Variants in ADRA1A observed in about 807,000 individuals in gnomAD.
ADRA1A encodes alpha-1A adrenergic receptor.
A neutral mutation model predicts 29.6 loss-of-function variants in ADRA1A; 31 were observed. The observed-to-expected ratio is 1.05, with a 90% confidence interval of 0.79 to 1.41. ADRA1A has a LOEUF of 1.41. Ranked by LOEUF, ADRA1A falls within the 40% of genes most tolerant of loss-of-function variation. ADRA1A has a pLI of 0.00. For missense variants in ADRA1A, 619 were observed against 601.1 expected (o/e 1.03, Z -0.31); for synonymous variants, 311 against 254.3 (o/e 1.22, Z -2.12).
rs1811001911 is a variant in ADRA1A, at chr8:26,831,935, C to T, written c.883+32152G>A. 6.6e-6 allele frequency among the ~76,000 whole-genome samples: 1 copy of T among 152,178 alleles called. No homozygotes were observed. The highest frequency in any genetic ancestry group is 2.4e-5 in the African/African-American group (1 of 41,456). On this transcript the variant is annotated intron_variant, in intron 2 of 2. Coordinates refer to ENST00000380573, the MANE Select transcript of ADRA1A (RefSeq NM_000680.4). This position sits in a 1 kb window ranked among gnomAD's most constrained non-coding sequence, Gnocchi z 5.2. The stretch of plus-strand genomic sequence containing the variant: ...CTCCCTAAGAGACACCTGGGCCTGG[C>T]CGTGTGGTTTGTAGGCTGGAGTGGG...
downstream of ADRA1A, among the ~76,000 whole-genome samples, chr8:26,754,414 C>T (rs566564474): frequency 2.6e-5 from 4 of 151,904 alleles, no homozygotes; most frequent in Non-Finnish European, 5.9e-5. Context: ...CTTAGTCGAC[C>T]AAATACCAAA....
Position 26,823,598 on chromosome 8 carries a change from G to C in ADRA1A, c.883+40489C>G, listed in dbSNP as rs959218063. 1.3e-5 allele frequency among the ~76,000 whole-genome samples: 2 copies of C among 152,112 alleles called. No individual in the cohort carries two copies. The highest frequency in any genetic ancestry group is 3.9e-4 in the East Asian group (2 of 5,188). On this transcript the variant is annotated intron_variant, in intron 2 of 2. Coordinates refer to ENST00000380573, the MANE Select transcript of ADRA1A (RefSeq NM_000680.4). This position sits in a 1 kb window ranked among gnomAD's most constrained non-coding sequence, Gnocchi z 4.2. ...GCTGGGCTAAGGATCAGGCTGCTTG[G>C]GCTATCAACATATTTGTGTCACCAC...
Position 26,864,388 on chromosome 8 carries a change from G to C in ADRA1A, c.582C>G (p.Tyr194Ter). 2 of 1,613,824 alleles carry C rather than the reference G, an allele frequency of 1.2e-6. No individual in the cohort carries two copies. Among genetic ancestry groups the C allele is most frequent in the Non-Finnish European group, 1.7e-6 (2 of 1,180,022 alleles). The change falls in exon 2 of 3, where the codon TAC (tyrosine) becomes TAG (stop). Residue 194 changes from tyrosine (Y) to a stop codon, truncating the protein, a stop_gained. Coordinates refer to ENST00000380573, the MANE Select transcript of ADRA1A (RefSeq NM_000680.4). LOFTEE classifies it high-confidence loss of function. This position sits in a 1 kb window ranked among gnomAD's most constrained non-coding sequence, Gnocchi z 8.1. ...TGACCAGGATGATGGCCAGAGGCAG[G>C]TAGAAGGAGCCCAGCGCTGAGAAGA... ...YVLFSALGSF[Y>*]LPLAIILVMY...
chr8:26,750,403 T>C lies in ADRA1A; in HGVS notation c.1270-1655A>G, dbSNP rs573643143. Among the ~76,000 whole-genome samples, 779 of 152,252 alleles carry C rather than the reference T, an allele frequency of 5.1e-3. 2 individuals are homozygous for C. The highest frequency in any genetic ancestry group is 0.021 in the South Asian group (101 of 4,816). The stretch of plus-strand genomic sequence containing the variant: ...TTTTAGTAGAGACAGGGTTTCACCA[T>C]GTTGCCCAGGCTGGTCTCGAACTCC... On this transcript the variant is annotated intron_variant, in intron 2 of 2. Coordinates refer to the ADRA1A transcript ENST00000380586.
intron 2 of ADRA1A, among the ~76,000 whole-genome samples, chr8:26,857,069 A>T (rs1813102672): frequency 6.6e-6 from 1 of 152,166 alleles, no homozygotes; most frequent in Admixed American, 6.5e-5. Context: ...TGGTCTCCTG[A>T]CTTGCTGTGA....
In ADRA1A at chr8:26,805,270, T is replaced by C. The variant is rs1464456700; in HGVS notation, c.884-34604A>G. Among the ~76,000 whole-genome samples the C allele has an allele frequency of 1.8e-4, 27 of 152,220 alleles. No homozygotes were observed. ...TCAATTTACACCTATTGCCTCAGTATGGTTATTAATTGTGCTTTCTTACAT... is the reference window on the plus strand; with the variant it reads ...TCAATTTACACCTATTGCCTCAGTACGGTTATTAATTGTGCTTTCTTACAT... On this transcript the variant is annotated intron_variant, in intron 2 of 2. Coordinates refer to ENST00000380573, the MANE Select transcript of ADRA1A (RefSeq NM_000680.4). The surrounding 1 kb of genome is among the most constrained non-coding windows in gnomAD (Gnocchi z 4.8).
chr8:26,767,845 T>C (rs1319191483), downstream of ADRA1A, among the ~76,000 whole-genome samples: 1 of 152,194 alleles, frequency 6.6e-6, no homozygotes, highest in Non-Finnish European at 1.5e-5. Flanking sequence ...TGGACCAAGC[T>C]CTTGTCAACA....
chr8:26,865,304 T>G lies in ADRA1A; in HGVS notation c.-335A>C. ...TGGGTGCGAAGATCCAGGAGACTCCTTGCAACATGCAATTCCAGAATTACG... is the reference window on the plus strand; with the variant it reads ...TGGGTGCGAAGATCCAGGAGACTCCGTGCAACATGCAATTCCAGAATTACG... On this transcript the variant is annotated 5_prime_UTR_variant, in exon 2 of 3. Transcript: ENST00000380573. The surrounding 1 kb of genome is among the most constrained non-coding windows in gnomAD (Gnocchi z 7.6). 1 of 1,156,604 alleles carries G rather than the reference T, an allele frequency of 8.6e-7. No individual in the cohort carries two copies. The highest frequency in any genetic ancestry group is 1.1e-6 in the Non-Finnish European group (1 of 937,890). 71.6% of individuals were successfully genotyped at this position (1,156,604 alleles called of 1,614,324 possible).
At chr8:26,807,579 C>T (rs1809087653) in intron 2 of ADRA1A, among the ~76,000 whole-genome samples, 1 of 151,152 alleles carries the variant, frequency 6.6e-6, no homozygotes, top group East Asian at 1.9e-4. Flanking sequence ...AGGACCATAG[C>T]ATGTTCAGGT....
rs939770538 is a variant in ADRA1A at position 26,848,575 on chromosome 8, T to G, written c.883+15512A>C. The stretch of plus-strand genomic sequence containing the variant: ...ATCTCAGACTTCCAGCCTCCAGAGC[T>G]CTGAGAAATCAATGTCAGCTGCCTA... On this transcript the variant is annotated intron_variant, in intron 2 of 2. Coordinates refer to ENST00000380573, the MANE Select transcript of ADRA1A (RefSeq NM_000680.4). The surrounding 1 kb of genome is among the most constrained non-coding windows in gnomAD (Gnocchi z 4.3). 1.3e-5 allele frequency among the ~76,000 whole-genome samples: 2 copies of G among 152,114 alleles called. No homozygotes were observed. Among genetic ancestry groups the G allele is most frequent in the African/African-American group, 4.8e-5 (2 of 41,424 alleles).
chr8:26,783,656 T>C (rs1467060435), intron 2 of ADRA1A, among the ~76,000 whole-genome samples: 2 of 152,214 alleles, frequency 1.3e-5, no homozygotes, highest in Non-Finnish European at 2.9e-5. Flanking sequence ...AAATACCATT[T>C]GACATAGCAA....
intron 2 of ADRA1A, among the ~76,000 whole-genome samples, chr8:26,851,144 G>A (rs34949698): frequency 0.036 from 5,543 of 152,232 alleles, 161 homozygotes; most frequent in Non-Finnish European, 0.055. Context: ...AAAATTTAAT[G>A]AAAATAATCT....
chr8:26,793,867 G>A (rs1808000324), intron 2 of ADRA1A, among the ~76,000 whole-genome samples: 1 of 151,932 alleles, frequency 6.6e-6, no homozygotes, highest in East Asian at 1.9e-4. Flanking sequence ...TATTTTCAGA[G>A]TCTTTAAGTA....
At chr8:26,767,613 G>A (rs1041053567), downstream of ADRA1A, among the ~76,000 whole-genome samples, 1 of 152,258 alleles carries the variant, frequency 6.6e-6, no homozygotes, top group East Asian at 1.9e-4. Flanking sequence ...TTGACTGAAA[G>A]ATTCTCTAGT....
chr8:26,794,652 A>T (rs1428571210), intron 2 of ADRA1A, among the ~76,000 whole-genome samples: 2 of 152,140 alleles, frequency 1.3e-5, no homozygotes, highest in African/African-American at 4.8e-5. Flanking sequence ...AAAATTATTT[A>T]AAAATGAAAA....
At chr8:26,852,249 C>A (rs150099982) in intron 2 of ADRA1A, among the ~76,000 whole-genome samples, 1 of 152,150 alleles carries the variant, frequency 6.6e-6, no homozygotes, top group Admixed American at 6.5e-5. Context: ...CTAAACTTTG[C>A]GTAGAAGCAA....
At chr8:26,789,549 C>T (rs2130412174) in intron 2 of ADRA1A, among the ~76,000 whole-genome samples, 1 of 152,204 alleles carries the variant, frequency 6.6e-6, no homozygotes, top group East Asian at 1.9e-4. Context: ...AGACCAAAAA[C>T]TATAAATATA....
rs1168803618 is a variant in ADRA1A at position 26,815,098 on chromosome 8, C to T, written c.884-44432G>A. On this transcript the variant is annotated intron_variant, in intron 2 of 2. Coordinates refer to ENST00000380573, the MANE Select transcript of ADRA1A (RefSeq NM_000680.4). The surrounding 1 kb of genome is among the most constrained non-coding windows in gnomAD (Gnocchi z 4.2). Reference sequence around the variant, plus strand: ...AACATGTTTTATTTCTTTTATTGGTCAATATAATTTAGACGCATGGGCCAA... The same window carrying T: ...AACATGTTTTATTTCTTTTATTGGTTAATATAATTTAGACGCATGGGCCAA... Among the ~76,000 whole-genome samples, 2 of 152,062 alleles carry T rather than the reference C, an allele frequency of 1.3e-5. No homozygotes were observed. Among genetic ancestry groups the T allele is most frequent in the Non-Finnish European group, 2.9e-5 (2 of 68,004 alleles).
intron 2 of ADRA1A, chr8:26,778,971 T>C (rs1342687335): frequency 6.5e-6 from 1 of 153,934 alleles, no homozygotes; most frequent in Middle Eastern, 3.1e-3. Context: ...ATATAAATTT[T>C]TTTAATTGTC....
Sources: gnomAD v4.1 joint callset for allele counts (sites outside exome capture counted in the v4.1 genomes callset) on GRCh38, gnomAD v4.1.1 for gene constraint, Gnocchi (gnomAD v3.1) non-coding constraint, MANE v1.5 for transcripts, NCBI Gene and HGNC (gene_info 2026-07-23, HGNC 2026-07-21) for gene names.